TMEM132D: variants seen among roughly 807,000 people sequenced by gnomAD.
TMEM132D encodes the protein transmembrane protein 132D.
TMEM132D carries 21 observed loss-of-function variants against 62.3 expected under a neutral mutation model. The observed-to-expected ratio is 0.34, with a 90% CI of 0.24 to 0.49. TMEM132D has a LOEUF of 0.49. Ranked by LOEUF, TMEM132D falls within the 20% of genes least tolerant of loss-of-function variation. The probability of loss-of-function intolerance (pLI) is 0.99; values close to 1 mark genes in which losing one functional copy is unlikely to be tolerated. For synonymous variants in TMEM132D, 621 were observed against 575.6 expected (o/e 1.08, Z -1.13); for missense variants, 1,346 against 1,402.8 (o/e 0.96, Z 0.65).
chr12:129,245,554 C>CTTT (rs71449399), intron 4 of TMEM132D, among the ~76,000 whole-genome samples: 144 of 146,814 alleles, frequency 9.8e-4, no homozygotes, highest in African/African-American at 3.1e-3. Context: ...TATATTAGAA[C>CTTT]TTTTTTTTTT....
At chr12:129,363,328 C>A (rs1467444534) in intron 3 of TMEM132D, among the ~76,000 whole-genome samples, 1 of 152,204 alleles carries the variant, frequency 6.6e-6, no homozygotes, top group Non-Finnish European at 1.5e-5. Flanking sequence ...ACACCGTCAG[C>A]TCAATACTGA....
intron 3 of TMEM132D, among the ~76,000 whole-genome samples, chr12:129,430,027 G>A (rs1051974072): frequency 3.9e-5 from 6 of 152,056 alleles, no homozygotes; most frequent in Middle Eastern, 3.2e-3. Flanking sequence ...ATTGTGAATA[G>A]TGCCACTATA....
intron 1 of TMEM132D, among the ~76,000 whole-genome samples, chr12:129,707,659 C>T (rs1344375429): frequency 6.6e-6 from 1 of 152,166 alleles, no homozygotes; most frequent in South Asian, 2.1e-4. Context: ...ATATGTTGGA[C>T]AGTATACAAG....
intron 1 of TMEM132D, among the ~76,000 whole-genome samples, chr12:129,706,041 GGA>G (rs536815527): frequency 7.7e-4 from 117 of 152,082 alleles, no homozygotes; most frequent in African/African-American, 2.7e-3. Context: ...GAAGAACTGA[GGA>G]GAGAGGACAG....
At chr12:129,237,257 T>G (rs1164753004) in intron 4 of TMEM132D, among the ~76,000 whole-genome samples, 3 of 152,182 alleles carry the variant, frequency 2.0e-5, no homozygotes, top group African/African-American at 7.2e-5. Flanking sequence ...ATTTTTCTCT[T>G]TTTGTCATGC....
intron 1 of TMEM132D, among the ~76,000 whole-genome samples, chr12:129,732,608 C>T (rs2137253245): frequency 6.6e-6 from 1 of 152,280 alleles, no homozygotes; most frequent in East Asian, 1.9e-4. Flanking sequence ...CTGCTCCCTC[C>T]CACTTCCCCT....
rs1020793914 is a variant in TMEM132D at position 129,274,516 on chromosome 12, C to CT, written c.1299+63117dup. Among the ~76,000 whole-genome samples, 13 of 152,028 alleles carry CT rather than the reference C, an allele frequency of 8.6e-5. 1 individual carries two copies. Among genetic ancestry groups the CT allele is most frequent in the East Asian group, 1.9e-4 (1 of 5,198 alleles). On this transcript the variant is annotated intron_variant, in intron 4 of 8. Transcript: ENST00000422113. The stretch of plus-strand genomic sequence containing the variant: ...CATCCTACCAATCCTACTTCCTCAT[C>CT]TTTTTTTTAAACAAAGAGCAGTAGG...
chr12:129,621,499 C>T (rs1200133910), intron 2 of TMEM132D, among the ~76,000 whole-genome samples: 1 of 125,976 alleles, frequency 7.9e-6, no homozygotes, highest in Non-Finnish European at 1.7e-5. Context: ...GCCATATCCC[C>T]ACTGGCCAAA....
intron 5 of TMEM132D, among the ~76,000 whole-genome samples, chr12:129,162,761 T>G (rs1436433026): frequency 6.6e-6 from 1 of 152,222 alleles, no homozygotes; most frequent in Non-Finnish European, 1.5e-5. Flanking sequence ...TGAGGCCTTC[T>G]TAGAAGCAGA....
chr12:129,691,045 C>A (rs996350541), intron 2 of TMEM132D, among the ~76,000 whole-genome samples: 7 of 151,774 alleles, frequency 4.6e-5, no homozygotes, highest in Non-Finnish European at 1.0e-4. Context: ...GATGGTAAGT[C>A]CAACAGATTT....
At chr12:129,771,194 T>A (rs930216497) in intron 1 of TMEM132D, among the ~76,000 whole-genome samples, 4 of 152,224 alleles carry the variant, frequency 2.6e-5, no homozygotes, top group African/African-American at 9.6e-5. Context: ...AGGCGGATGA[T>A]GTACTTCTTG....
At chr12:129,294,985 G>C (rs1018694053) in intron 4 of TMEM132D, among the ~76,000 whole-genome samples, 1 of 152,168 alleles carries the variant, frequency 6.6e-6, no homozygotes, top group African/African-American at 2.4e-5. Context: ...GTTACTGAGT[G>C]TTTCTGTTAG....
At chr12:129,258,429 G>T (rs917376185) in intron 4 of TMEM132D, among the ~76,000 whole-genome samples, 1 of 152,130 alleles carries the variant, frequency 6.6e-6, no homozygotes, top group African/African-American at 2.4e-5. Context: ...TCTATGCCTA[G>T]AAGTTGCTTA....
chr12:129,529,016 T>G (rs114175746), intron 3 of TMEM132D, among the ~76,000 whole-genome samples: 1,638 of 152,368 alleles, frequency 0.011, 30 homozygotes, highest in African/African-American at 0.038. Context: ...ATATATAATA[T>G]GCTGTATGCA....
intron 1 of TMEM132D, among the ~76,000 whole-genome samples, chr12:129,773,440 A>G (rs563988374): frequency 1.2e-4 from 19 of 152,104 alleles, no homozygotes; most frequent in Non-Finnish European, 2.8e-4. Flanking sequence ...GCCTTCACTC[A>G]TTGGAGACAC....
At chr12:129,473,392 T>A (rs535928708) in intron 3 of TMEM132D, among the ~76,000 whole-genome samples, 42 of 125,832 alleles carry the variant, frequency 3.3e-4, no homozygotes, top group Non-Finnish European at 4.5e-4. Flanking sequence ...TGCAGTGGCA[T>A]GATCTCGGCT....
At chr12:129,130,534 C>T (rs1024660811) in intron 5 of TMEM132D, among the ~76,000 whole-genome samples, 2 of 152,154 alleles carry the variant, frequency 1.3e-5, no homozygotes, top group South Asian at 4.1e-4. Flanking sequence ...CGTTCTAGAA[C>T]GTTCTTGACA....
intron 2 of TMEM132D, among the ~76,000 whole-genome samples, chr12:129,644,481 C>T (rs1055272215): frequency 1.1e-4 from 16 of 152,006 alleles, no homozygotes; most frequent in African/African-American, 2.9e-4. Flanking sequence ...CTGGGAAGGC[C>T]GTTACCATGG....
intron 3 of TMEM132D, among the ~76,000 whole-genome samples, chr12:129,505,304 G>A (rs533615478): frequency 2.6e-5 from 4 of 151,514 alleles, no homozygotes; most frequent in African/African-American, 7.3e-5. Context: ...GTGCAGTGGC[G>A]CAATCTTGGC....
Sources: gnomAD v4.1 joint callset for allele counts (sites outside exome capture counted in the v4.1 genomes callset) on GRCh38, gnomAD v4.1.1 for gene constraint, MANE v1.5 for transcripts, NCBI Gene and HGNC (gene_info 2026-07-23, HGNC 2026-07-21) for gene names.